Variants in CMIP observed in about 807,000 individuals in gnomAD.
CMIP encodes the protein C-Maf-inducing protein.
In CMIP, 13 loss-of-function variants were observed where a neutral mutation model predicts 97.3. The ratio of observed to expected loss-of-function variants is 0.13; its 90% CI spans 0.09 to 0.21. CMIP has a LOEUF of 0.21. Ranked by LOEUF, CMIP falls within the 10% of genes least tolerant of loss-of-function variation. CMIP has a pLI of 1.00. For missense variants in CMIP, 847 were observed against 1,024.9 expected, an observed-to-expected ratio of 0.83 and a Z score of 2.37; for synonymous variants, 538 against 436.3, an observed-to-expected ratio of 1.23 and a Z score of -2.91.
intron 1 of CMIP, among the ~76,000 whole-genome samples, chr16:81,590,083 A>C (rs777829125): frequency 1.3e-5 from 2 of 152,170 alleles, no homozygotes; most frequent in Non-Finnish European, 2.9e-5. Flanking sequence ...CTAGGGCCTC[A>C]GGATAGACCA....
chr16:81,483,904 T>C (rs1369787322), intron 1 of CMIP, among the ~76,000 whole-genome samples: 2 of 152,206 alleles, frequency 1.3e-5, no homozygotes, highest in African/African-American at 4.8e-5. Context: ...GGGATGGAAT[T>C]GTCTGCATTT....
intron 1 of CMIP, among the ~76,000 whole-genome samples, chr16:81,448,044 C>G (rs543965210): frequency 1.2e-4 from 19 of 152,364 alleles, no homozygotes; most frequent in Admixed American, 2.6e-4. Flanking sequence ...CCAAATAAAA[C>G]AAAGGTGAAT....
At chr16:81,450,606 C>T (rs1906147103) in intron 1 of CMIP, among the ~76,000 whole-genome samples, 1 of 152,092 alleles carries the variant, frequency 6.6e-6, no homozygotes, top group Non-Finnish European at 1.5e-5. Flanking sequence ...TTATTGTTAC[C>T]TAAAAATGGG....
At chr16:81,479,190 G>T (rs1908110615) in intron 1 of CMIP, among the ~76,000 whole-genome samples, 1 of 152,182 alleles carries the variant, frequency 6.6e-6, no homozygotes, top group Non-Finnish European at 1.5e-5. Context: ...CCTCCATCCT[G>T]TTTGTAAAGA....
rs2092356307 is a variant in CMIP, at chr16:81,645,652, G to T, written c.478-6551G>T. 4 of 1,524,576 alleles carry T rather than the reference G, an allele frequency of 2.6e-6. No homozygotes were observed. In the African/African-American group the frequency reaches 4.1e-5, roughly 16 times the overall value. The allele number at this position is 1,524,576 out of a possible 1,614,324, so 94.4% of individuals were successfully genotyped here. ...GGGTGAGGACAGCGCTGGAGTGGCT[G>T]ACTCTGCCAGACGGGAAGCAGGAGG... On this transcript the variant is annotated intron_variant, in intron 3 of 20. Transcript: ENST00000537098.
chr16:81,568,245 G>T (rs2091020069), intron 1 of CMIP, among the ~76,000 whole-genome samples: 1 of 151,958 alleles, frequency 6.6e-6, no homozygotes, highest in Admixed American at 6.6e-5. Context: ...GGACCCTCTG[G>T]CCTCACCCTT....
At chr16:81,651,785 G>A (rs1398594929) in intron 3 of CMIP, among the ~76,000 whole-genome samples, 1 of 152,140 alleles carries the variant, frequency 6.6e-6, no homozygotes, top group Non-Finnish European at 1.5e-5. Context: ...TGGTGGTGAG[G>A]GCACTGGCTT....
At chr16:81,640,175 C>T (rs962669697) in intron 3 of CMIP, among the ~76,000 whole-genome samples, 4 of 152,002 alleles carry the variant, frequency 2.6e-5, no homozygotes, top group Non-Finnish European at 5.9e-5. Context: ...CCGTTTCTGA[C>T]GCAGGGCAGG....
intron 9 of CMIP, among the ~76,000 whole-genome samples, chr16:81,676,728 G>A (rs1321362030): frequency 6.6e-6 from 1 of 152,220 alleles, no homozygotes; most frequent in African/African-American, 2.4e-5. Flanking sequence ...GGCATGTGCT[G>A]GATACATTCA....
At chr16:81,565,475 G>C (rs2090963288) in intron 1 of CMIP, among the ~76,000 whole-genome samples, 1 of 152,162 alleles carries the variant, frequency 6.6e-6, no homozygotes, top group Non-Finnish European at 1.5e-5. Context: ...AGCTTCCCCT[G>C]GTGCAGACTG....
intron 10 of CMIP, among the ~76,000 whole-genome samples, chr16:81,690,866 C>T (rs1266357305): frequency 6.6e-6 from 1 of 152,120 alleles, no homozygotes; most frequent in African/African-American, 2.4e-5. Context: ...GTGGAGGTTG[C>T]AGTGAGCTGA....
At chr16:81,664,516 C>T in intron 7 of CMIP, 167 bp downstream of exon 7, 2 of 580,056 alleles carry the variant, frequency 3.4e-6, no homozygotes, top group East Asian at 3.0e-5. Context: ...GGGTTTTGTA[C>T]AGCTTGTCCT....
At position 81,652,414 on chromosome 16, in the gene CMIP, C is replaced by A; in HGVS notation, c.639+50C>A. ...TTACATTGTTTGCCTTTCCCTCCACCGATCACCGGCTCCATGCCAAGCAGC... is the reference window on the plus strand; with the variant it reads ...TTACATTGTTTGCCTTTCCCTCCACAGATCACCGGCTCCATGCCAAGCAGC... On this transcript the variant is annotated intron_variant, in intron 4 of 20. Transcript: ENST00000537098. This position sits in a 1 kb window ranked among gnomAD's most constrained non-coding sequence, Gnocchi z 5.2. 1 of 1,484,880 alleles carries A rather than the reference C, an allele frequency of 6.7e-7. No individual in the cohort carries two copies. Among genetic ancestry groups the A allele is most frequent in the Non-Finnish European group, 9.3e-7 (1 of 1,078,944 alleles). 92.0% of individuals were successfully genotyped at this position (1,484,880 alleles called of 1,614,324 possible).
rs3863482 is a variant in CMIP at position 81,683,523 on chromosome 16, A to G, written c.1388+4895A>G. On this transcript the variant is annotated intron_variant, in intron 10 of 20. Coordinates refer to ENST00000537098, the MANE Select transcript of CMIP (RefSeq NM_198390.3). ...TCCTGCCTCAGCCTCCCCAGTAGCT[A>G]GGATTACAGGCGCCTGCCACCAAGT... 1.8e-3 allele frequency among the ~76,000 whole-genome samples: 263 copies of G among 148,322 alleles called. 1 individual carries two copies. Among genetic ancestry groups the G allele is most frequent in the African/African-American group, 6.4e-3 (257 of 40,282 alleles).
intron 1 of CMIP, chr16:81,606,801 A>C (rs923443174): frequency 6.5e-6 from 1 of 154,518 alleles, no homozygotes. Flanking sequence ...GAAGGGTGCA[A>C]GCAGGTTGGG....
intron 20 of CMIP, among the ~76,000 whole-genome samples, chr16:81,709,233 G>C (rs1221009197): frequency 1.3e-5 from 2 of 152,148 alleles, no homozygotes; most frequent in Non-Finnish European, 2.9e-5. Flanking sequence ...CACTCACCCT[G>C]TCCATTCTCT....
intron 1 of CMIP, among the ~76,000 whole-genome samples, chr16:81,552,553 C>T (rs987811847): frequency 1.3e-5 from 2 of 152,194 alleles, no homozygotes; most frequent in African/African-American, 4.8e-5. Flanking sequence ...CCTCCATCTT[C>T]AGAGCCACCT....
chr16:81,496,378 A>C (rs2089491279), intron 1 of CMIP, among the ~76,000 whole-genome samples: 1 of 152,216 alleles, frequency 6.6e-6, no homozygotes, highest in South Asian at 2.1e-4. Flanking sequence ...GAAACAAGGA[A>C]GTAAGTGAAA....
At chr16:81,647,898 G>T (rs1036008605) in intron 3 of CMIP, among the ~76,000 whole-genome samples, 1 of 139,886 alleles carries the variant, frequency 7.1e-6, no homozygotes, top group Non-Finnish European at 1.5e-5. Context: ...CACCCACAAC[G>T]CCGTAGCCCA....
Sources: allele counts gnomAD v4.1 joint callset (sites outside exome capture counted in the v4.1 genomes callset), GRCh38; gene constraint gnomAD v4.1.1; non-coding constraint Gnocchi (gnomAD v3.1); transcripts MANE v1.5; gene names NCBI Gene and HGNC (gene_info 2026-07-23, HGNC 2026-07-21).